The following GSG1L variants were observed in gnomAD, a reference collection of about 807,000 sequenced individuals.
The protein encoded by GSG1L is GSG1 like, also known as germ cell-specific gene 1-like protein.
Under a neutral mutation model 42.1 loss-of-function variants are expected in GSG1L, and 24 were observed. The observed-to-expected ratio is 0.57, with a 90% CI of 0.41 to 0.80. GSG1L has a LOEUF of 0.80. GSG1L is among the 30% of genes least tolerant of loss of function. The pLI, the probability that GSG1L is intolerant of heterozygous loss-of-function variation, is 0.00. For synonymous variants in GSG1L, 215 were observed against 203.5 expected (o/e 1.06, Z -0.48); for missense variants, 445 against 472.2 (o/e 0.94, Z 0.53).
intron 3 of GSG1L, among the ~76,000 whole-genome samples, chr16:27,864,484 C>T (rs2083692193): frequency 6.6e-6 from 1 of 152,214 alleles, no homozygotes; most frequent in Admixed American, 6.5e-5. Flanking sequence ...AGCCACATCC[C>T]TGCAGTTCTC....
At chr16:27,889,558 A>AT (rs1316822427) in intron 2 of GSG1L, among the ~76,000 whole-genome samples, 2 of 152,034 alleles carry the variant, frequency 1.3e-5, no homozygotes, top group Non-Finnish European at 1.5e-5. Context: ...ACCAGAGCCC[A>AT]TTTTTTCTAT....
intron 2 of GSG1L, among the ~76,000 whole-genome samples, chr16:27,949,649 G>A (rs973024157): frequency 7.2e-5 from 11 of 152,056 alleles, no homozygotes; most frequent in East Asian, 1.9e-4. Context: ...ATGACAGGCC[G>A]GCGCAGTGGC....
chr16:27,909,393 T>C (rs1438704451), intron 2 of GSG1L, among the ~76,000 whole-genome samples: 6 of 147,644 alleles, frequency 4.1e-5, no homozygotes, highest in African/African-American at 1.3e-4. Context: ...TTTTTTTTTT[T>C]TTTTTGACAG....
At chr16:28,061,382 T>A (rs2086338130) in intron 1 of GSG1L, among the ~76,000 whole-genome samples, 2 of 152,122 alleles carry the variant, frequency 1.3e-5, no homozygotes, top group African/African-American at 4.8e-5. Flanking sequence ...TCTGATGGGA[T>A]GAAACCAATC....
intron 3 of GSG1L, among the ~76,000 whole-genome samples, chr16:27,871,377 C>T (rs1261908244): frequency 6.6e-6 from 1 of 152,158 alleles, no homozygotes; most frequent in Non-Finnish European, 1.5e-5. Flanking sequence ...CGCAGTGGCT[C>T]ACACCTGTAA....
intron 1 of GSG1L, among the ~76,000 whole-genome samples, chr16:28,014,654 ATTT>A (rs3033619): frequency 0.051 from 3,722 of 73,544 alleles, 146 homozygotes; most frequent in African/African-American, 0.16. Flanking sequence ...CAGGCACGCT[ATTT>A]TTTTTTTTTT....
chr16:27,830,048 C>T (rs567199996), intron 4 of GSG1L, among the ~76,000 whole-genome samples: 2 of 152,294 alleles, frequency 1.3e-5, no homozygotes, highest in Admixed American at 1.3e-4. Context: ...GTCCTATCCA[C>T]ACTTGGAAAG....
At chr16:27,858,252 T>G (rs1375580280) in intron 3 of GSG1L, among the ~76,000 whole-genome samples, 1 of 152,174 alleles carries the variant, frequency 6.6e-6, no homozygotes, top group Non-Finnish European at 1.5e-5. Context: ...GAGCCAAAAT[T>G]GACAGCCTCT....
At chr16:27,905,406 C>T (rs1173145048) in intron 2 of GSG1L, among the ~76,000 whole-genome samples, 1 of 151,592 alleles carries the variant, frequency 6.6e-6, no homozygotes, top group Non-Finnish European at 1.5e-5. Flanking sequence ...CTCACTGCAC[C>T]TCCTGGGCTC....
At chr16:27,900,845 A>G (rs2141042151) in intron 2 of GSG1L, among the ~76,000 whole-genome samples, 1 of 151,592 alleles carries the variant, frequency 6.6e-6, no homozygotes, top group African/African-American at 2.4e-5. Context: ...ACAGATACAT[A>G]GGCCGAGCAT....
At chr16:27,984,492 G>A (rs2085358773) in intron 1 of GSG1L, among the ~76,000 whole-genome samples, 1 of 152,176 alleles carries the variant, frequency 6.6e-6, no homozygotes, top group Admixed American at 6.5e-5. Context: ...ATTGGGTGAC[G>A]GAAGCCCAGC....
At chr16:27,828,700 G>T in intron 5 of GSG1L, 89 bp downstream of exon 5, 1 of 1,335,476 alleles carries the variant, frequency 7.5e-7, no homozygotes, top group Non-Finnish European at 1.0e-6. Context: ...ATTCATTCCA[G>T]TTTTTGACTG....
chr16:27,943,566 CTTTTTTT>C lies in GSG1L; in HGVS notation c.397+19583_397+19589del, dbSNP rs11385465. 2.0e-3 allele frequency among the ~76,000 whole-genome samples: 137 copies of C among 67,714 alleles called. 1 individual carries two copies. The highest frequency in any genetic ancestry group is 2.7e-3 in the Non-Finnish European group (105 of 38,774). 44.4% of individuals were successfully genotyped at this position (67,714 alleles called of 152,430 possible). A position where few individuals can be genotyped will look rare whatever the true frequency, so the allele number is the denominator to read the frequency against. ...GCTAACATTTTCTTTTTCTTTGTTT[CTTTTTTT>C]TTTTTTTTTTTTTTTTTTTGAGGCA... On this transcript the variant is annotated intron_variant, in intron 2 of 6. Transcript: ENST00000447459.
intron 2 of GSG1L, among the ~76,000 whole-genome samples, chr16:27,946,649 AAG>A (rs1567530068): frequency 1.6e-4 from 3 of 19,130 alleles, no homozygotes; most frequent in East Asian, 1.6e-3. Context: ...GAAAGAAAGA[AAG>A]AAAGAAAAGA....
At position 27,936,917 on chromosome 16, in the gene GSG1L, C is replaced by G. The variant is rs1052775620; in HGVS notation, c.397+26239G>C. ...CAGGGCAGGAAAGTCATTGAGGCAGCCCATGCATCCTCACCTACTTACTCT... is the reference window on the plus strand; with the variant it reads ...CAGGGCAGGAAAGTCATTGAGGCAGGCCATGCATCCTCACCTACTTACTCT... On this transcript the variant is annotated intron_variant, in intron 2 of 6. Transcript: ENST00000447459. Among the ~76,000 whole-genome samples the G allele has an allele frequency of 5.9e-5, 9 of 152,196 alleles. 1 individual carries two copies. The highest frequency in any genetic ancestry group is 5.9e-4 in the Admixed American group (9 of 15,278).
At chr16:28,034,085 GTCCCAACCCATCCTA>G (rs1354951612) in intron 1 of GSG1L, among the ~76,000 whole-genome samples, 14 of 149,304 alleles carry the variant, frequency 9.4e-5, no homozygotes, top group Non-Finnish European at 1.9e-4. Context: ...ATTCCATCCT[GTCCCAACCCATCCTA>G]TCCCAACCCA....
chr16:28,027,024 G>T (rs2085907970), intron 1 of GSG1L, among the ~76,000 whole-genome samples: 1 of 152,242 alleles, frequency 6.6e-6, no homozygotes, highest in Non-Finnish European at 1.5e-5. Flanking sequence ...GGAGGTTGCA[G>T]TGAGTCGAAA....
At chr16:27,844,468 G>A (rs1009726186) in intron 4 of GSG1L, among the ~76,000 whole-genome samples, 21 of 152,122 alleles carry the variant, frequency 1.4e-4, no homozygotes, top group African/African-American at 4.8e-4. Flanking sequence ...CTCTTAGGCA[G>A]GGGTCGGCAG....
chr16:27,997,594 G>A lies in GSG1L; in HGVS notation c.350-34391C>T, dbSNP rs149440643. 3.3e-5 allele frequency among the ~76,000 whole-genome samples: 5 copies of A among 152,008 alleles called. No individual in the cohort carries two copies. In the East Asian group the frequency reaches 5.8e-4, roughly 18 times the overall value. On this transcript the variant is annotated intron_variant, in intron 1 of 6. Coordinates refer to ENST00000447459, the MANE Select transcript of GSG1L (RefSeq NM_001109763.2). ...ATCTGAGAAAGTCCATTTGCACCACGTAAGCTAACACAGTCACGGGTTGGG... is the reference window on the plus strand; with the variant it reads ...ATCTGAGAAAGTCCATTTGCACCACATAAGCTAACACAGTCACGGGTTGGG...
Sources: allele counts gnomAD v4.1 joint callset (sites outside exome capture counted in the v4.1 genomes callset), GRCh38; gene constraint gnomAD v4.1.1; transcripts MANE v1.5; gene names NCBI Gene and HGNC (gene_info 2026-07-23, HGNC 2026-07-21).